Variants in DENND1A observed in about 807,000 individuals in gnomAD.
DENND1A encodes DENN domain-containing protein 1A.
In DENND1A, 51 loss-of-function variants were observed where a neutral mutation model predicts 113.7. The observed-to-expected ratio is 0.45, with a 90% CI of 0.36 to 0.57. DENND1A has a LOEUF of 0.57. Ranked by LOEUF, DENND1A falls within the 20% of genes least tolerant of loss-of-function variation. The probability of loss-of-function intolerance (pLI) is 0.00; values close to 1 mark genes in which losing one functional copy is unlikely to be tolerated. For missense variants in DENND1A, 1,258 were observed against 1,395.9 expected (o/e 0.90, Z 1.57); for synonymous variants, 565 against 570.8 (o/e 0.99, Z 0.14).
intron 5 of DENND1A, among the ~76,000 whole-genome samples, chr9:123,741,749 T>C (rs1439648840): frequency 1.3e-5 from 2 of 152,164 alleles, no homozygotes; most frequent in Non-Finnish European, 2.9e-5. Context: ...GTGCTGAGTG[T>C]CATTCAACAA....
intron 8 of DENND1A, among the ~76,000 whole-genome samples, chr9:123,654,260 A>G (rs558448024): frequency 3.3e-5 from 5 of 152,340 alleles, no homozygotes; most frequent in East Asian, 3.9e-4. Flanking sequence ...GATGAATTAC[A>G]TGAATTTTTC....
intron 13 of DENND1A, chr9:123,485,651 C>T (rs563586214): frequency 0.14 from 6,672 of 48,738 alleles, 175 homozygotes; most frequent in South Asian, 0.23. Flanking sequence ...CACACGCGCG[C>T]GCGCGCACAC....
At chr9:123,641,252 G>A (rs978393835) in intron 9 of DENND1A, among the ~76,000 whole-genome samples, 8 of 152,226 alleles carry the variant, frequency 5.3e-5, no homozygotes, top group African/African-American at 1.9e-4. Context: ...AGATTAAGAT[G>A]TCAATGACTT....
At chr9:123,512,163 AG>A (rs1240353037) in intron 13 of DENND1A, among the ~76,000 whole-genome samples, 4 of 152,252 alleles carry the variant, frequency 2.6e-5, no homozygotes, top group Non-Finnish European at 4.4e-5. Flanking sequence ...AGAATTGATT[AG>A]TCAAACATAT....
At chr9:123,428,471 AT>A (rs1317714035) in intron 19 of DENND1A, among the ~76,000 whole-genome samples, 2 of 152,210 alleles carry the variant, frequency 1.3e-5, no homozygotes, top group African/African-American at 4.8e-5. Context: ...CACTGGTAAC[AT>A]TCCCCTTGAA....
At chr9:123,438,341 C>T (rs953772067) in intron 19 of DENND1A, among the ~76,000 whole-genome samples, 4 of 152,114 alleles carry the variant, frequency 2.6e-5, no homozygotes, top group Non-Finnish European at 4.4e-5. Flanking sequence ...AAGAAGGGGC[C>T]GGCATAAGTG....
chr9:123,382,961 G>C (rs148080702), intron 23 of DENND1A, among the ~76,000 whole-genome samples: 4 of 152,228 alleles, frequency 2.6e-5, no homozygotes, highest in African/African-American at 9.6e-5. Context: ...CTGTAAGCCC[G>C]GGGGCGCGAG....
chr9:123,766,373 G>T (rs959628309), intron 4 of DENND1A, among the ~76,000 whole-genome samples: 1 of 152,058 alleles, frequency 6.6e-6, no homozygotes, highest in Non-Finnish European at 1.5e-5. Flanking sequence ...GACCATTTCC[G>T]TTATCCCCCA....
At chr9:123,521,710 A>T (rs1277409654) in intron 13 of DENND1A, among the ~76,000 whole-genome samples, 4 of 152,180 alleles carry the variant, frequency 2.6e-5, no homozygotes, top group African/African-American at 9.7e-5. Context: ...TGAAAAGAAC[A>T]CAGGTCTCAG....
At chr9:123,518,653 G>A (rs2054136820) in intron 13 of DENND1A, among the ~76,000 whole-genome samples, 1 of 152,140 alleles carries the variant, frequency 6.6e-6, no homozygotes, top group Non-Finnish European at 1.5e-5. Flanking sequence ...GAGCCCATGG[G>A]AATGGAGCTA....
At chr9:123,884,257 A>G (rs940165697) in intron 1 of DENND1A, among the ~76,000 whole-genome samples, 4 of 152,094 alleles carry the variant, frequency 2.6e-5, no homozygotes, top group Non-Finnish European at 5.9e-5. Flanking sequence ...TAATATTTTT[A>G]ACTTTTTGGC....
At chr9:123,490,838 C>T (rs536416185) in intron 13 of DENND1A, among the ~76,000 whole-genome samples, 1 of 152,354 alleles carries the variant, frequency 6.6e-6, no homozygotes, top group South Asian at 2.1e-4. Context: ...CTTTGCGGCA[C>T]ATCTCCCTTT....
chr9:123,506,614 C>T (rs935016504), intron 13 of DENND1A, among the ~76,000 whole-genome samples: 1 of 135,774 alleles, frequency 7.4e-6, no homozygotes, highest in African/African-American at 2.7e-5. Context: ...AGAATTATTA[C>T]TATGATGATT....
intron 22 of DENND1A, among the ~76,000 whole-genome samples, chr9:123,384,739 G>T (rs868291235): frequency 2.0e-5 from 3 of 152,286 alleles, no homozygotes; most frequent in Middle Eastern, 3.4e-3. Flanking sequence ...CTTGAGTTCA[G>T]GAGTTCGAGA....
chr9:123,552,291 TC>T (rs2057139019), intron 13 of DENND1A, among the ~76,000 whole-genome samples: 1 of 152,104 alleles, frequency 6.6e-6, no homozygotes, highest in African/African-American at 2.4e-5. Context: ...CTGCCCATCT[TC>T]CCAGGGCCGT....
At chr9:123,704,574 T>A (rs1178547767) in intron 5 of DENND1A, among the ~76,000 whole-genome samples, 1 of 152,202 alleles carries the variant, frequency 6.6e-6, no homozygotes, top group Non-Finnish European at 1.5e-5. Flanking sequence ...GAAGCATAGT[T>A]GAAATATAAA....
rs56191828 is a variant in DENND1A, at chr9:123,627,778, T to TGAGA, written c.719+2594_719+2597dup. On this transcript the variant is annotated intron_variant, in intron 10 of 23. Coordinates refer to ENST00000394215, the MANE Select transcript of DENND1A (RefSeq NM_001352964.2). ...AAAAAAGAGAGAGAGAGCGAGCGAGTGAGAGAGAGAGAGAGAGCAAGCTCA... is the reference window on the plus strand; with the variant it reads ...AAAAAAGAGAGAGAGAGCGAGCGAGTGAGAGAGAGAGAGAGAGAGAGCAAGCTCA... Among the ~76,000 whole-genome samples, 1,173 of 121,962 alleles carry TGAGA rather than the reference T, an allele frequency of 9.6e-3. 20 individuals are homozygous for TGAGA. The highest frequency in any genetic ancestry group is 0.035 in the African/African-American group (1,107 of 31,614). The allele number at this position is 121,962 out of a possible 152,430, so 80.0% of individuals were successfully genotyped here. A position where few individuals can be genotyped will look rare whatever the true frequency, so the allele number is the denominator to read the frequency against.
intron 13 of DENND1A, among the ~76,000 whole-genome samples, chr9:123,486,185 G>A (rs1284206190): frequency 2.6e-5 from 4 of 152,092 alleles, no homozygotes; most frequent in East Asian, 3.9e-4. Flanking sequence ...TCATAAATAC[G>A]TTTAAAATTT....
At chr9:123,575,302 C>T (rs369067356) in intron 12 of DENND1A, among the ~76,000 whole-genome samples, 6 of 152,098 alleles carry the variant, frequency 3.9e-5, no homozygotes, top group African/African-American at 7.2e-5. Flanking sequence ...AATCTAATGC[C>T]GCTGCTGATC....
Sources: allele counts gnomAD v4.1 joint callset (sites outside exome capture counted in the v4.1 genomes callset), GRCh38; gene constraint gnomAD v4.1.1; transcripts MANE v1.5; gene names NCBI Gene and HGNC (gene_info 2026-07-23, HGNC 2026-07-21).